ITGAE: variants seen among roughly 807,000 people sequenced by gnomAD.
The protein encoded by ITGAE is integrin subunit alpha E.
ITGAE carries 99 observed loss-of-function variants against 136.5 expected under a neutral mutation model. The observed-to-expected ratio is 0.73, with a 90% CI of 0.62 to 0.86. The LOEUF is 0.86. ITGAE is among the 40% of genes least tolerant of loss of function. The pLI is 0.00. For missense variants in ITGAE, 1,447 were observed against 1,515.3 expected (o/e 0.95, Z 0.75); for synonymous variants, 613 against 591.8 (o/e 1.04, Z -0.52).
rs750481171 is a variant in ITGAE at position 3,729,464 on chromosome 17, T to C, written c.2912+14A>G. On this transcript the variant is annotated intron_variant, in intron 24 of 30. Coordinates refer to ENST00000263087, the MANE Select transcript of ITGAE (RefSeq NM_002208.5). ...ATGGAGTCACACCGCTGCTGGCCTCTTGGGAGTACTCACTTGGACAGAACT... is the reference window on the plus strand; with the variant it reads ...ATGGAGTCACACCGCTGCTGGCCTCCTGGGAGTACTCACTTGGACAGAACT... The C allele has an allele frequency of 1.3e-6, 2 of 1,573,736 alleles. No individual in the cohort carries two copies. Among genetic ancestry groups the C allele is most frequent in the Non-Finnish European group, 1.7e-6 (2 of 1,143,172 alleles).
intron 24 of ITGAE, among the ~76,000 whole-genome samples, chr17:3,728,797 C>CGAGGCAGGCGGATCACCT (rs1567515813): frequency 6.6e-6 from 1 of 150,962 alleles, no homozygotes; most frequent in African/African-American, 2.4e-5. Flanking sequence ...TTTGGGAGGC[C>CGAGGCAGGCGGATCACCT]GAGGCAGGCG....
intron 2 of ITGAE, among the ~76,000 whole-genome samples, chr17:3,764,568 G>T (rs1367480572): frequency 6.6e-6 from 1 of 152,194 alleles, no homozygotes; most frequent in Non-Finnish European, 1.5e-5. Flanking sequence ...ATGGTGGCGT[G>T]TGCCTGTAGT....
intron 1 of ITGAE, among the ~76,000 whole-genome samples, chr17:3,786,793 G>A (rs534638585): frequency 6.6e-6 from 1 of 151,556 alleles, no homozygotes; most frequent in Admixed American, 6.6e-5. Context: ...GGGAGGCTGA[G>A]GCAGGAGGAT....
intron 26 of ITGAE, chr17:3,726,167 G>A (rs1388045088): frequency 6.2e-7 from 1 of 1,614,136 alleles, no homozygotes; most frequent in South Asian, 1.1e-5. Flanking sequence ...ATGTGCTCTG[G>A]TTACATTACC....
At chr17:3,796,193 G>GTGTGTGTGT (rs767439329) in intron 1 of ITGAE, among the ~76,000 whole-genome samples, 3 of 148,686 alleles carry the variant, frequency 2.0e-5, no homozygotes, top group Non-Finnish European at 3.0e-5. Flanking sequence ...GTGTGTGTGT[G>GTGTGTGTGT]GTGGGGTAGT....
intron 30 of ITGAE, among the ~76,000 whole-genome samples, chr17:3,715,862 T>C (rs1320246760): frequency 6.6e-6 from 1 of 151,786 alleles, no homozygotes; most frequent in Non-Finnish European, 1.5e-5. Flanking sequence ...CTGGTGTTTA[T>C]TTTTAAAAAA....
chr17:3,797,174 T>A lies in ITGAE; in HGVS notation c.34+3937A>T, dbSNP rs1404957051. Among the ~76,000 whole-genome samples, 36 of 133,344 alleles carry A rather than the reference T, an allele frequency of 2.7e-4. 1 individual carries two copies. The highest frequency in any genetic ancestry group is 4.9e-4 in the Non-Finnish European group (30 of 60,884). 87.5% of individuals were successfully genotyped at this position (133,344 alleles called of 152,430 possible). On this transcript the variant is annotated intron_variant, in intron 1 of 30. Transcript: ENST00000263087. ...ATATATATATTTTTTTTTTTTTTTT[T>A]TTTTTTTTTGAGACGGAGTCTCGCT...
Position 3,753,941 on chromosome 17 carries a change from T to G in ITGAE, c.1385-16A>C. The G allele has an allele frequency of 6.2e-7, 1 of 1,612,948 alleles. No individual in the cohort carries two copies. The highest frequency in any genetic ancestry group is 8.5e-7 in the Non-Finnish European group (1 of 1,179,456). On this transcript the variant is annotated splice_polypyrimidine_tract_variant and intron_variant, in intron 12 of 30. Coordinates refer to ENST00000263087, the MANE Select transcript of ITGAE (RefSeq NM_002208.5). ...ACAGCGTAACCTGGGGCAAGGGTGG[T>G]GTGGCTGTGAACACACCGTGTGCTC...
At chr17:3,734,021 G>A (rs1018667829) in intron 21 of ITGAE, among the ~76,000 whole-genome samples, 2 of 152,226 alleles carry the variant, frequency 1.3e-5, no homozygotes, top group African/African-American at 4.8e-5. Context: ...AGGCAAGAGG[G>A]ATAGGGGTTC....
chr17:3,727,334 C>G (rs2051237215), intron 26 of ITGAE, among the ~76,000 whole-genome samples: 1 of 151,656 alleles, frequency 6.6e-6, no homozygotes, highest in Non-Finnish European at 1.5e-5. Flanking sequence ...ATCGCTCACA[C>G]AGAGAAGCAG....
At chr17:3,759,585 G>A in intron 7 of ITGAE, 32 bp from the exon 8 acceptor site, 4 of 1,595,430 alleles carry the variant, frequency 2.5e-6, no homozygotes, top group Non-Finnish European at 3.4e-6. Flanking sequence ...GCAGGAGGTT[G>A]GAAGAATTGC....
intron 2 of ITGAE, among the ~76,000 whole-genome samples, chr17:3,775,774 A>G (rs528950283): frequency 2.0e-4 from 31 of 151,502 alleles, no homozygotes; most frequent in African/African-American, 5.8e-4. Flanking sequence ...CCGGCACACA[A>G]ACATTTTTAT....
chr17:3,739,969 C>T, intron 19 of ITGAE, 91 bp from the exon 20 acceptor site: 1 of 981,612 alleles, frequency 1.0e-6, no homozygotes. Context: ...AAGTTTTGGG[C>T]TGTGCCTCCT....
At chr17:3,723,823 G>A in intron 26 of ITGAE, 79 bp from the exon 27 acceptor site, 1 of 1,561,876 alleles carries the variant, frequency 6.4e-7, no homozygotes, top group African/African-American at 1.4e-5. Flanking sequence ...CCCGGCCCTG[G>A]CGAGGTGCGC....
At chr17:3,722,191 G>C (rs1338763655) in intron 28 of ITGAE, among the ~76,000 whole-genome samples, 3 of 141,634 alleles carry the variant, frequency 2.1e-5, no homozygotes, top group Non-Finnish European at 4.6e-5. Context: ...GAAAAGAAAA[G>C]AACACCTAGG....
rs1282461586 is a variant in ITGAE, at chr17:3,732,095, AACTTTTTGTCTGAC to A, written c.2754+259_2754+272del. ...CATCTCAAAAACAAACAAACAAAAA[AACTTTTTGTCTGAC>A]ACGCCCTCCATACTACCCACAACTT... On this transcript the variant is annotated intron_variant, in intron 22 of 30. Coordinates refer to ENST00000263087, the MANE Select transcript of ITGAE (RefSeq NM_002208.5). Among the ~76,000 whole-genome samples, 5 of 152,080 alleles carry A rather than the reference AACTTTTTGTCTGAC, an allele frequency of 3.3e-5. No individual in the cohort carries two copies. In the East Asian group the frequency reaches 7.8e-4, roughly 24 times the overall value.
intron 26 of ITGAE, chr17:3,724,854 G>A (rs1201524650): frequency 6.2e-7 from 1 of 1,614,076 alleles, no homozygotes; most frequent in South Asian, 1.1e-5. Flanking sequence ...AGGGCTTCAA[G>A]AGGCCGTCCG....
At chr17:3,721,314 C>T (rs1315675187) in intron 28 of ITGAE, among the ~76,000 whole-genome samples, 6 of 123,382 alleles carry the variant, frequency 4.9e-5, no homozygotes, top group African/African-American at 9.5e-5. Context: ...CTCTGTTACT[C>T]GGGCCGGAAT....
intron 12 of ITGAE, 136 bp from the exon 13 acceptor site, chr17:3,754,061 CTA>C: frequency 2.0e-6 from 2 of 997,170 alleles, no homozygotes; most frequent in Non-Finnish European, 2.9e-6. Flanking sequence ...GTCTTTCTCA[CTA>C]TGTTAAAAAT....
Sources: gnomAD v4.1 joint callset for allele counts (sites outside exome capture counted in the v4.1 genomes callset) on GRCh38, gnomAD v4.1.1 for gene constraint, MANE v1.5 for transcripts, NCBI Gene and HGNC (gene_info 2026-07-23, HGNC 2026-07-21) for gene names.